NSG2: variants seen among roughly 807,000 people sequenced by gnomAD.
The protein encoded by NSG2 is neuronal vesicle trafficking associated 2.
A neutral mutation model predicts 16.9 loss-of-function variants in NSG2; 4 were observed. The ratio of observed to expected loss-of-function variants is 0.24; its 90% CI spans 0.12 to 0.54. The LOEUF is 0.54. Ranked by LOEUF, NSG2 falls within the 20% of genes least tolerant of loss-of-function variation. The pLI, the probability that NSG2 is intolerant of heterozygous loss-of-function variation, is 0.95. For missense variants in NSG2, 179 were observed against 221.1 expected, an observed-to-expected ratio of 0.81 and a Z score of 1.21; for synonymous variants, 98 against 88.7, an observed-to-expected ratio of 1.11 and a Z score of -0.59.
intron 3 of NSG2, among the ~76,000 whole-genome samples, chr5:174,079,421 C>G (rs1405615260): frequency 1.3e-5 from 2 of 152,264 alleles, no homozygotes; most frequent in African/African-American, 4.8e-5. Flanking sequence ...CCCCACCTAG[C>G]TAATTTTTGT....
chr5:174,063,106 G>A lies in NSG2; in HGVS notation c.130-1126G>A, dbSNP rs571855371. ...ATCTAGTTCTGGCATATAATAAGTG[G>A]TTCAAAAATATTGCTCATTATCATC... is the stretch of plus-strand genomic sequence containing the variant. On this transcript the variant is annotated intron_variant, in intron 2 of 4. Transcript: ENST00000303177. Among the ~76,000 whole-genome samples the A allele has an allele frequency of 2.0e-4, 30 of 152,206 alleles. No individual in the cohort carries two copies. The South Asian group carries it at 6.2e-3, about 32-fold the overall frequency.
chr5:174,049,863 A>T (rs999382070), intron 2 of NSG2, among the ~76,000 whole-genome samples: 4 of 152,222 alleles, frequency 2.6e-5, no homozygotes, highest in African/African-American at 9.6e-5. Flanking sequence ...ATGAGAACAG[A>T]TGTGTTCAAA....
intron 3 of NSG2, among the ~76,000 whole-genome samples, chr5:174,096,220 C>T (rs115437562): frequency 1.6e-3 from 244 of 152,288 alleles, no homozygotes; most frequent in Middle Eastern, 6.8e-3. Flanking sequence ...CCAAGAGGGG[C>T]GGCAGACAGG....
intron 2 of NSG2, among the ~76,000 whole-genome samples, chr5:174,049,340 AAAACAAAC>A (rs138598037): frequency 0.12 from 18,191 of 152,048 alleles, 1,383 homozygotes; most frequent in Non-Finnish European, 0.17. Flanking sequence ...ACACTGTCTC[AAAACAAAC>A]AAACAAACAA....
intron 2 of NSG2, among the ~76,000 whole-genome samples, chr5:174,060,174 T>C (rs1162210325): frequency 6.6e-6 from 1 of 152,208 alleles, no homozygotes; most frequent in Non-Finnish European, 1.5e-5. Flanking sequence ...TGATATTGCC[T>C]GTAATGATTA....
chr5:174,089,787 A>G (rs1243581055), intron 3 of NSG2, among the ~76,000 whole-genome samples: 1 of 151,678 alleles, frequency 6.6e-6, no homozygotes, highest in Non-Finnish European at 1.5e-5. Context: ...GCTAGTTTTT[A>G]CTTTTTTCTT....
chr5:174,100,403 G>A (rs1452286018), intron 3 of NSG2, among the ~76,000 whole-genome samples: 1 of 152,236 alleles, frequency 6.6e-6, no homozygotes, highest in African/African-American at 2.4e-5. Flanking sequence ...ATTCTAACAT[G>A]TGCAGCTGCT....
At chr5:174,100,330 G>T (rs1340560246) in intron 3 of NSG2, among the ~76,000 whole-genome samples, 3 of 152,222 alleles carry the variant, frequency 2.0e-5, no homozygotes, top group Admixed American at 1.3e-4. Flanking sequence ...AGAGATTCTG[G>T]TGTAGTTGGT....
At chr5:174,069,136 G>T (rs1343610174) in intron 3 of NSG2, among the ~76,000 whole-genome samples, 2 of 151,572 alleles carry the variant, frequency 1.3e-5, no homozygotes, top group Non-Finnish European at 2.9e-5. Context: ...GCTGTGGAGG[G>T]TGCTGGTGTG....
intron 3 of NSG2, among the ~76,000 whole-genome samples, chr5:174,094,369 A>G (rs1760763617): frequency 6.6e-6 from 1 of 152,228 alleles, no homozygotes; most frequent in Admixed American, 6.5e-5. Flanking sequence ...AGGCTGGGCC[A>G]GTAATACCAG....
intron 3 of NSG2, among the ~76,000 whole-genome samples, chr5:174,085,382 A>G (rs1300849295): frequency 6.6e-6 from 1 of 152,130 alleles, no homozygotes; most frequent in East Asian, 1.9e-4. Flanking sequence ...GGTAAGGCCT[A>G]TTCTCCTTTT....
At chr5:174,050,071 G>A (rs569654585) in intron 2 of NSG2, among the ~76,000 whole-genome samples, 25 of 152,210 alleles carry the variant, frequency 1.6e-4, no homozygotes, top group Middle Eastern at 6.8e-3. Flanking sequence ...GAATGGGGAC[G>A]CTAATTTTGG....
chr5:174,057,200 C>T (rs1424156594), intron 2 of NSG2, among the ~76,000 whole-genome samples: 1 of 152,148 alleles, frequency 6.6e-6, no homozygotes, highest in Non-Finnish European at 1.5e-5. Flanking sequence ...CTCTACTTTT[C>T]TTCTCTCATT....
chr5:174,052,697 C>T (rs1049570840), intron 2 of NSG2, among the ~76,000 whole-genome samples: 22 of 152,190 alleles, frequency 1.4e-4, no homozygotes, highest in Non-Finnish European at 2.5e-4. Context: ...AGCCCTGTGA[C>T]GTTGCTACCA....
chr5:174,082,102 C>T (rs1022539580), intron 3 of NSG2, among the ~76,000 whole-genome samples: 1 of 152,154 alleles, frequency 6.6e-6, no homozygotes, highest in Admixed American at 6.6e-5. Flanking sequence ...TTGTACCCGA[C>T]CACCTGTCTG....
intron 2 of NSG2, among the ~76,000 whole-genome samples, chr5:174,049,332 A>T (rs1324080176): frequency 1.1e-4 from 16 of 151,700 alleles, no homozygotes; most frequent in African/African-American, 3.6e-4. Flanking sequence ...AGAGCGAGAC[A>T]CTGTCTCAAA....
At chr5:174,070,565 C>T (rs1366921597) in intron 3 of NSG2, among the ~76,000 whole-genome samples, 2 of 152,176 alleles carry the variant, frequency 1.3e-5, no homozygotes, top group Non-Finnish European at 2.9e-5. Flanking sequence ...CTGGTCTGGG[C>T]TCAATGCCTG....
At chr5:174,095,395 C>G (rs1361977876) in intron 3 of NSG2, among the ~76,000 whole-genome samples, 5 of 152,164 alleles carry the variant, frequency 3.3e-5, no homozygotes, top group Non-Finnish European at 7.3e-5. Context: ...TCTGAAGTCT[C>G]CAGGGAAGAA....
At chr5:174,050,111 G>T (rs1395903501) in intron 2 of NSG2, among the ~76,000 whole-genome samples, 1 of 152,180 alleles carries the variant, frequency 6.6e-6, no homozygotes, top group Non-Finnish European at 1.5e-5. Flanking sequence ...TGTAGAGGAG[G>T]CAGAGTGAGC....
Sources: gnomAD v4.1 joint callset for allele counts (sites outside exome capture counted in the v4.1 genomes callset) on GRCh38, gnomAD v4.1.1 for gene constraint, MANE v1.5 for transcripts, NCBI Gene and HGNC (gene_info 2026-07-23, HGNC 2026-07-21) for gene names.